Variants in KCNK2 observed in about 807,000 individuals in gnomAD.
The protein encoded by KCNK2 is potassium two pore domain channel subfamily K member 2.
KCNK2 carries 21 observed loss-of-function variants against 40.5 expected under a neutral mutation model. That is an observed-to-expected ratio of 0.52 (90% CI 0.37 to 0.75). The LOEUF is 0.75. Ranked by LOEUF, KCNK2 falls within the 30% of genes least tolerant of loss-of-function variation. The probability of loss-of-function intolerance (pLI) is 0.00; values close to 1 mark genes in which losing one functional copy is unlikely to be tolerated. For synonymous variants in KCNK2, 191 were observed against 202.2 expected (o/e 0.94, Z 0.47); for missense variants, 399 against 531.6 (o/e 0.75, Z 2.45).
chr1:215,198,616 A>G (rs1055466467), intron 6 of KCNK2, among the ~76,000 whole-genome samples: 1 of 152,212 alleles, frequency 6.6e-6, no homozygotes, highest in African/African-American at 2.4e-5. Context: ...AAATGAACAA[A>G]TGCCAGGTGA....
At chr1:215,209,385 A>G (rs867999235) in intron 6 of KCNK2, among the ~76,000 whole-genome samples, 745 of 19,120 alleles carry the variant, frequency 0.039, 19 homozygotes, top group African/African-American at 0.087. Flanking sequence ...TATATAAAAT[A>G]TATATATTAT....
rs1379236941 is a variant in KCNK2, at chr1:215,236,397, A to T, written c.*1252A>T. 1 of 152,636 alleles carries T rather than the reference A, an allele frequency of 6.6e-6. No individual in the cohort carries two copies. 9.5% of individuals were successfully genotyped at this position (152,636 alleles called of 1,614,324 possible). On this transcript the variant is annotated 3_prime_UTR_variant, in exon 7 of 7. Transcript: ENST00000444842. The stretch of plus-strand genomic sequence containing the variant: ...GGAGTTGTGACTTGGCTGTGAGGGC[A>T]GAAGTTGAAGTTGGGATCACTGTGA...
intron 1 of KCNK2, among the ~76,000 whole-genome samples, chr1:215,054,207 AT>A (rs1364707814): frequency 2.0e-5 from 3 of 152,204 alleles, no homozygotes; most frequent in Non-Finnish European, 2.9e-5. Context: ...TTAATGCAGA[AT>A]TGTCAATGTC....
chr1:215,030,709 ATTTTT>A (rs66479154), intron 1 of KCNK2, among the ~76,000 whole-genome samples: 1 of 140,218 alleles, frequency 7.1e-6, no homozygotes, highest in Non-Finnish European at 1.5e-5. Flanking sequence ...TAATTTTTGT[ATTTTT>A]TTTTTTTTTT....
intron 6 of KCNK2, among the ~76,000 whole-genome samples, chr1:215,216,496 A>T (rs1665966682): frequency 6.7e-6 from 1 of 148,712 alleles, no homozygotes; most frequent in Admixed American, 6.8e-5. Flanking sequence ...ACATAATACT[A>T]TTATATATGC....
rs557555919 is a variant in KCNK2, at chr1:215,083,202, C to T, written c.-184C>T. On this transcript the variant is annotated 5_prime_UTR_variant, in exon 1 of 7. Transcript: ENST00000444842. ...TTCGTTTCTTCTCACGCTCCCCCCCCCGCCCCCTCCCGCGTCCAGCCCCGC... is the reference window on the plus strand; with the variant it reads ...TTCGTTTCTTCTCACGCTCCCCCCCTCGCCCCCTCCCGCGTCCAGCCCCGC... 2.1e-4 allele frequency: 163 copies of T among 786,604 alleles called. 1 individual carries two copies. The highest frequency in any genetic ancestry group is 9.1e-4 in the Middle Eastern group (2 of 2,192). The allele number at this position is 786,604 out of a possible 1,614,324, so 48.7% of individuals were successfully genotyped here. A position where few individuals can be genotyped will look rare whatever the true frequency, so the allele number is the denominator to read the frequency against.
intron 3 of KCNK2, among the ~76,000 whole-genome samples, chr1:215,161,900 T>C (rs1663214212): frequency 6.6e-6 from 1 of 152,176 alleles, no homozygotes; most frequent in Non-Finnish European, 1.5e-5. Flanking sequence ...TGAGCATGTG[T>C]CTTTATTGTA....
At chr1:215,094,590 A>G (rs147868717) in intron 2 of KCNK2, among the ~76,000 whole-genome samples, 2 of 152,264 alleles carry the variant, frequency 1.3e-5, no homozygotes, top group East Asian at 3.9e-4. Flanking sequence ...CTCTCTGCCC[A>G]TATGTTCATG....
intron 4 of KCNK2, among the ~76,000 whole-genome samples, chr1:215,171,357 T>C (rs1247938111): frequency 1.3e-5 from 2 of 152,128 alleles, no homozygotes; most frequent in African/African-American, 2.4e-5. Context: ...CTTTGTTAGT[T>C]ATACAATTTA....
At chr1:215,138,022 T>C (rs1336059746) in intron 3 of KCNK2, among the ~76,000 whole-genome samples, 1 of 152,176 alleles carries the variant, frequency 6.6e-6, no homozygotes, top group Admixed American at 6.5e-5. Flanking sequence ...ATAATTTGTT[T>C]TAATTTTCAG....
chr1:215,048,042 A>C (rs1213777522), intron 1 of KCNK2, among the ~76,000 whole-genome samples: 1 of 152,194 alleles, frequency 6.6e-6, no homozygotes, highest in Non-Finnish European at 1.5e-5. Flanking sequence ...ACATTCTGAT[A>C]ATATTATTTC....
At chr1:215,207,627 A>C (rs1042854611) in intron 6 of KCNK2, among the ~76,000 whole-genome samples, 7 of 152,202 alleles carry the variant, frequency 4.6e-5, no homozygotes, top group Non-Finnish European at 1.0e-4. Context: ...AAATACGCTC[A>C]CCAAAGTAGT....
intron 2 of KCNK2, among the ~76,000 whole-genome samples, chr1:215,114,830 C>T (rs1660849071): frequency 6.6e-6 from 1 of 152,152 alleles, no homozygotes; most frequent in South Asian, 2.1e-4. Flanking sequence ...AATGAGTCAA[C>T]TCACTCAAAG....
intron 1 of KCNK2, among the ~76,000 whole-genome samples, chr1:215,007,183 G>GT (rs1553254744): frequency 1.3e-4 from 11 of 83,618 alleles, no homozygotes; most frequent in African/African-American, 5.6e-4. Flanking sequence ...GTATGTGTGT[G>GT]GGTATATATA....
intron 5 of KCNK2, among the ~76,000 whole-genome samples, chr1:215,183,436 G>A (rs149792947): frequency 1.4e-4 from 22 of 152,056 alleles, no homozygotes; most frequent in Non-Finnish European, 2.2e-4. Flanking sequence ...AAGTGTCTAC[G>A]TTTTTCTACT....
intron 1 of KCNK2, among the ~76,000 whole-genome samples, chr1:215,043,480 T>A (rs1024903547): frequency 6.6e-6 from 1 of 152,194 alleles, no homozygotes; most frequent in Non-Finnish European, 1.5e-5. Context: ...AGGAAGGAAA[T>A]TCTGACACAT....
At chr1:215,186,720 G>C (rs1281244733) in intron 5 of KCNK2, among the ~76,000 whole-genome samples, 2 of 152,154 alleles carry the variant, frequency 1.3e-5, no homozygotes, top group Non-Finnish European at 2.9e-5. Context: ...CAGAGAACAT[G>C]TTTTAGTGAC....
At chr1:215,093,079 A>G (rs1200048897) in intron 2 of KCNK2, among the ~76,000 whole-genome samples, 4 of 152,088 alleles carry the variant, frequency 2.6e-5, no homozygotes, top group African/African-American at 9.7e-5. Flanking sequence ...TCATCATTAT[A>G]TAGAAGCTAT....
intron 5 of KCNK2, among the ~76,000 whole-genome samples, chr1:215,188,593 C>A (rs893759647): frequency 3.3e-5 from 5 of 152,044 alleles, no homozygotes; most frequent in African/African-American, 1.2e-4. Context: ...TGGCATGTTT[C>A]TCCCCTAACC....
Sources: allele counts gnomAD v4.1 joint callset (sites outside exome capture counted in the v4.1 genomes callset), GRCh38; gene constraint gnomAD v4.1.1; transcripts MANE v1.5; gene names NCBI Gene and HGNC (gene_info 2026-07-23, HGNC 2026-07-21).